The following DLGAP2 variants were observed in gnomAD, a reference collection of about 807,000 sequenced individuals.
The protein encoded by DLGAP2 is DLG associated protein 2, also known as disks large-associated protein 2.
In DLGAP2, 26 loss-of-function variants were observed where a neutral mutation model predicts 100.3. The ratio of observed to expected loss-of-function variants is 0.26; its 90% confidence interval spans 0.19 to 0.36. The LOEUF (loss-of-function observed/expected upper bound fraction) is 0.36. Among genes scored for constraint, DLGAP2 ranks in the 10% least tolerant of loss-of-function variants. DLGAP2 has a pLI of 1.00. For missense variants in DLGAP2, 1,858 were observed against 1,453.2 expected (o/e 1.28, Z -4.53); for synonymous variants, 886 against 630.1 (o/e 1.41, Z -6.08).
chr8:1,605,494 G>C (rs1479932085), intron 6 of DLGAP2, among the ~76,000 whole-genome samples: 1 of 152,192 alleles, frequency 6.6e-6, no homozygotes, highest in Non-Finnish European at 1.5e-5. Flanking sequence ...CAGGGCTCTA[G>C]TGAGTGCGGC....
At chr8:1,550,027 C>T (rs1801706953) in intron 5 of DLGAP2, among the ~76,000 whole-genome samples, 1 of 152,160 alleles carries the variant, frequency 6.6e-6, no homozygotes, top group Non-Finnish European at 1.5e-5. Flanking sequence ...CCAATTCTTC[C>T]CCATCCCCAG....
At chr8:940,447 C>T (rs939511282) in intron 2 of DLGAP2, among the ~76,000 whole-genome samples, 1 of 151,874 alleles carries the variant, frequency 6.6e-6, no homozygotes, top group Non-Finnish European at 1.5e-5. Context: ...GTGGTTCGTC[C>T]CTGCTTAGCC....
At chr8:1,207,380 C>G (rs1438532600) in intron 2 of DLGAP2, among the ~76,000 whole-genome samples, 3 of 152,222 alleles carry the variant, frequency 2.0e-5, no homozygotes. Flanking sequence ...GTCTCCAACT[C>G]CATCCAGGCT....
At chr8:1,105,139 A>G (rs1203550180) in intron 2 of DLGAP2, 2 of 152,368 alleles carry the variant, frequency 1.3e-5, no homozygotes, top group East Asian at 3.9e-4. Flanking sequence ...ACAGGCTCAT[A>G]CTTTATCCTG....
At chr8:1,311,214 C>T (rs74415612) in intron 3 of DLGAP2, among the ~76,000 whole-genome samples, 3,206 of 152,092 alleles carry the variant, frequency 0.021, 46 homozygotes, top group Non-Finnish European at 0.03. Flanking sequence ...ATGAAAATGA[C>T]CTAAACTGAC....
chr8:1,080,179 C>T (rs1256378827), intron 2 of DLGAP2, among the ~76,000 whole-genome samples: 1 of 152,200 alleles, frequency 6.6e-6, no homozygotes, highest in African/African-American at 2.4e-5. Context: ...CACATTAGAA[C>T]TACTTGCATT....
At chr8:1,364,212 C>G (rs1402397972) in intron 3 of DLGAP2, among the ~76,000 whole-genome samples, 2 of 152,324 alleles carry the variant, frequency 1.3e-5, no homozygotes, top group African/African-American at 2.4e-5. Flanking sequence ...GCGGACGGTG[C>G]CCCCGGGCTG....
intron 3 of DLGAP2, among the ~76,000 whole-genome samples, chr8:1,314,680 C>T (rs1298696838): frequency 6.6e-6 from 1 of 152,170 alleles, no homozygotes; most frequent in East Asian, 1.9e-4. Context: ...TGGGGCTGGG[C>T]TGCTGGGGGC....
chr8:863,182 C>G (rs982032076), intron 1 of DLGAP2, among the ~76,000 whole-genome samples: 6 of 152,122 alleles, frequency 3.9e-5, no homozygotes, highest in Non-Finnish European at 8.8e-5. Context: ...GGTTAAGGGA[C>G]CAGCCTATTT....
intron 3 of DLGAP2, among the ~76,000 whole-genome samples, chr8:1,445,254 A>G (rs1427408462): frequency 1.1e-5 from 1 of 88,046 alleles, no homozygotes; most frequent in Non-Finnish European, 2.1e-5. Context: ...CCACCCCACA[A>G]CAGTCCCCAG....
At chr8:1,039,874 G>T (rs1259508076) in intron 2 of DLGAP2, among the ~76,000 whole-genome samples, 2 of 144,250 alleles carry the variant, frequency 1.4e-5, no homozygotes, top group Non-Finnish European at 3.0e-5. Flanking sequence ...TCGGCTCATT[G>T]TGCATGGTCG....
chr8:1,130,506 G>T (rs1405814370), intron 2 of DLGAP2, among the ~76,000 whole-genome samples: 1 of 152,142 alleles, frequency 6.6e-6, no homozygotes, highest in Non-Finnish European at 1.5e-5. Flanking sequence ...AAAAGGGATG[G>T]AGGCTCAATT....
intron 1 of DLGAP2, among the ~76,000 whole-genome samples, chr8:779,967 A>G (rs545634858): frequency 2.6e-5 from 4 of 152,310 alleles, no homozygotes; most frequent in African/African-American, 9.6e-5. Flanking sequence ...TAGCTAACTG[A>G]CATACCTGTC....
chr8:748,154 A>G (rs1204012539), intron 1 of DLGAP2, among the ~76,000 whole-genome samples: 1 of 23,258 alleles, frequency 4.3e-5, no homozygotes. Context: ...CTGCGGTGGG[A>G]TGGGCGGGTC....
At chr8:1,494,202 G>A (rs1478872521) in intron 3 of DLGAP2, among the ~76,000 whole-genome samples, 2 of 152,226 alleles carry the variant, frequency 1.3e-5, no homozygotes, top group African/African-American at 4.8e-5. Flanking sequence ...AAGAAATCCA[G>A]TCTTTTCTTA....
intron 2 of DLGAP2, among the ~76,000 whole-genome samples, chr8:1,090,605 G>T (rs949440272): frequency 6.6e-6 from 1 of 152,234 alleles, no homozygotes; most frequent in Non-Finnish European, 1.5e-5. Context: ...CCTGAGTGGG[G>T]AGGTTGGGGG....
chr8:1,458,332 C>G (rs1384062549), intron 3 of DLGAP2, among the ~76,000 whole-genome samples: 1 of 152,040 alleles, frequency 6.6e-6, no homozygotes, highest in African/African-American at 2.4e-5. Context: ...AACTGAGCAC[C>G]TTCCCCACAG....
intron 2 of DLGAP2, among the ~76,000 whole-genome samples, chr8:1,253,062 C>T (rs1269791098): frequency 1.3e-5 from 2 of 152,328 alleles, no homozygotes; most frequent in Admixed American, 6.5e-5. Flanking sequence ...GCACGGCCCA[C>T]GGCAAATGCC....
At chr8:1,288,679 G>A (rs991245631) in intron 3 of DLGAP2, among the ~76,000 whole-genome samples, 4 of 85,770 alleles carry the variant, frequency 4.7e-5, no homozygotes, top group Admixed American at 2.3e-4. Context: ...TTTCGGTTCA[G>A]TGTGTGTGTG....
Sources: gnomAD v4.1 joint callset for allele counts (sites outside exome capture counted in the v4.1 genomes callset) on GRCh38, gnomAD v4.1.1 for gene constraint, MANE v1.5 for transcripts, NCBI Gene and HGNC (gene_info 2026-07-23, HGNC 2026-07-21) for gene names.